The following RAPGEF2 variants were observed in gnomAD, a reference collection of about 807,000 sequenced individuals.
RAPGEF2 encodes the protein Rap guanine nucleotide exchange factor 2.
RAPGEF2 carries 54 observed loss-of-function variants against 186.7 expected under a neutral mutation model. The observed-to-expected ratio is 0.29, with a 90% CI of 0.23 to 0.36. The LOEUF is 0.36. Ranked by LOEUF, RAPGEF2 falls within the 10% of genes least tolerant of loss-of-function variation. RAPGEF2 has a pLI of 1.00. For synonymous variants in RAPGEF2, 712 were observed against 705.9 expected (o/e 1.01, Z -0.14); for missense variants, 1,532 against 2,045.0 (o/e 0.75, Z 4.84).
chr4:159,259,596 C>T (rs748332258), intron 7 of RAPGEF2, among the ~76,000 whole-genome samples: 4 of 151,988 alleles, frequency 2.6e-5, no homozygotes, highest in Non-Finnish European at 5.9e-5. Flanking sequence ...AAAAGTTAGG[C>T]CCACTAATAT....
chr4:159,354,459 C>T (rs549743667), intron 28 of RAPGEF2, among the ~76,000 whole-genome samples: 19 of 152,136 alleles, frequency 1.2e-4, no homozygotes, highest in South Asian at 4.1e-4. Context: ...TAGAACTATA[C>T]GCTTTGTATA....
At chr4:159,115,633 A>G (rs1287330934) in intron 1 of RAPGEF2, among the ~76,000 whole-genome samples, 1 of 152,184 alleles carries the variant, frequency 6.6e-6, no homozygotes, top group Non-Finnish European at 1.5e-5. Flanking sequence ...TTTATTAGGG[A>G]ATATTTGGTC....
chr4:159,355,122 A>T (rs1414745894), intron 28 of RAPGEF2, among the ~76,000 whole-genome samples: 1 of 152,202 alleles, frequency 6.6e-6, no homozygotes, highest in Non-Finnish European at 1.5e-5. Context: ...TTTATTGCAA[A>T]GGAAGGAAGA....
chr4:159,296,707 G>C (rs1762071751), intron 7 of RAPGEF2, among the ~76,000 whole-genome samples: 1 of 152,178 alleles, frequency 6.6e-6, no homozygotes, highest in Admixed American at 6.5e-5. Context: ...CATAGTAACT[G>C]GTGTACAGGT....
chr4:159,301,909 T>G (rs1011025715), intron 7 of RAPGEF2, among the ~76,000 whole-genome samples: 1 of 152,202 alleles, frequency 6.6e-6, no homozygotes, highest in African/African-American at 2.4e-5. Flanking sequence ...TTGTAACACC[T>G]ATCACAGTGA....
chr4:159,320,601 C>T (rs969288737), intron 9 of RAPGEF2, among the ~76,000 whole-genome samples: 3 of 152,086 alleles, frequency 2.0e-5, no homozygotes, highest in Non-Finnish European at 2.9e-5. Flanking sequence ...CCAGAGCCCC[C>T]CTGTGTAATG....
intron 1 of RAPGEF2, among the ~76,000 whole-genome samples, chr4:159,131,686 A>G (rs116160276): frequency 0.024 from 3,649 of 151,900 alleles, 140 homozygotes; most frequent in African/African-American, 0.083. Context: ...GGGCTTGATT[A>G]ACGTCTTTCG....
intron 7 of RAPGEF2, among the ~76,000 whole-genome samples, chr4:159,289,280 A>G (rs1476077171): frequency 1.3e-5 from 2 of 152,202 alleles, no homozygotes; most frequent in Admixed American, 1.3e-4. Flanking sequence ...GTAACTTTAT[A>G]TATCTTCATC....
chr4:159,253,078 C>T (rs762429450), intron 7 of RAPGEF2, among the ~76,000 whole-genome samples: 21 of 152,146 alleles, frequency 1.4e-4, no homozygotes, highest in Non-Finnish European at 4.4e-5. Flanking sequence ...ATATGCTGTT[C>T]TGGTTGAAGT....
At chr4:159,163,786 G>C (rs187140447) in intron 1 of RAPGEF2, among the ~76,000 whole-genome samples, 1 of 150,466 alleles carries the variant, frequency 6.6e-6, no homozygotes, top group South Asian at 2.1e-4. Flanking sequence ...CCAAGAAGGG[G>C]TTACTGAAAG....
At chr4:159,345,992 G>T (rs1730254563) in intron 24 of RAPGEF2, among the ~76,000 whole-genome samples, 1 of 152,066 alleles carries the variant, frequency 6.6e-6, no homozygotes, top group Non-Finnish European at 1.5e-5. Flanking sequence ...AGAAGATTTG[G>T]ATTATTAGAT....
chr4:159,146,086 T>A (rs1477033268), intron 1 of RAPGEF2, among the ~76,000 whole-genome samples: 2 of 152,196 alleles, frequency 1.3e-5, no homozygotes, highest in Non-Finnish European at 2.9e-5. Context: ...TTTATGAAAC[T>A]ATTCCTTCCA....
At chr4:159,313,493 G>T (rs1764193603) in intron 8 of RAPGEF2, among the ~76,000 whole-genome samples, 1 of 152,014 alleles carries the variant, frequency 6.6e-6, no homozygotes, top group Non-Finnish European at 1.5e-5. Flanking sequence ...CACATTGTAA[G>T]TATTTAGTGT....
intron 14 of RAPGEF2, 36 bp downstream of exon 14, chr4:159,331,574 G>A (rs763665854): frequency 2.1e-5 from 34 of 1,610,208 alleles, no homozygotes; most frequent in Non-Finnish European, 2.8e-5. Context: ...TCAGCTTAAA[G>A]TTCATTTTAT....
intron 1 of RAPGEF2, among the ~76,000 whole-genome samples, chr4:159,112,960 T>C (rs1343656851): frequency 6.6e-6 from 1 of 152,244 alleles, no homozygotes; most frequent in Non-Finnish European, 1.5e-5. Context: ...ATCATGTGTC[T>C]GCTGATATAA....
At chr4:159,151,751 AGTGTGTGTTT>A (rs1743560473) in intron 1 of RAPGEF2, among the ~76,000 whole-genome samples, 1 of 151,956 alleles carries the variant, frequency 6.6e-6, no homozygotes, top group East Asian at 1.9e-4. Context: ...TTTTTGTGTA[AGTGTGTGTTT>A]GTGTGTATTT....
At chr4:159,138,703 T>C (rs954071332) in intron 1 of RAPGEF2, among the ~76,000 whole-genome samples, 2 of 152,204 alleles carry the variant, frequency 1.3e-5, no homozygotes, top group African/African-American at 2.4e-5. Context: ...TTTGAAATTA[T>C]ATATTGAGTT....
At chr4:159,131,187 C>T (rs1305830165) in intron 1 of RAPGEF2, among the ~76,000 whole-genome samples, 13 of 151,958 alleles carry the variant, frequency 8.6e-5, no homozygotes, top group Admixed American at 8.5e-4. Context: ...CTCGGCTCAC[C>T]GCAACCTCCG....
intron 7 of RAPGEF2, among the ~76,000 whole-genome samples, chr4:159,249,187 A>G (rs551245825): frequency 1.5e-3 from 228 of 151,812 alleles, no homozygotes; most frequent in African/African-American, 4.9e-3. Flanking sequence ...GCAACAGCGA[A>G]GATGCTTTTC....
Sources: allele counts gnomAD v4.1 joint callset (sites outside exome capture counted in the v4.1 genomes callset), GRCh38; gene constraint gnomAD v4.1.1; transcripts MANE v1.5; gene names NCBI Gene and HGNC (gene_info 2026-07-23, HGNC 2026-07-21).